DET1: variants seen among roughly 807,000 people sequenced by gnomAD.
The protein encoded by DET1 is DET1 homolog.
In DET1, 22 loss-of-function variants were observed where a neutral mutation model predicts 43.7. The observed-to-expected ratio is 0.50, with a 90% CI of 0.36 to 0.72. DET1 has a LOEUF of 0.72. DET1 is among the 30% of genes least tolerant of loss of function. The pLI is 0.00. For synonymous variants in DET1, 315 were observed against 266.2 expected (o/e 1.18, Z -1.79); for missense variants, 713 against 713.3 (o/e 1.00, Z 0.00).
chr15:88,525,084 A>C (rs1200978363), intron 3 of DET1, among the ~76,000 whole-genome samples: 6 of 152,258 alleles, frequency 3.9e-5, no homozygotes, highest in Non-Finnish European at 8.8e-5. Context: ...TTTGAGAATC[A>C]GAAGAAACAA....
At chr15:88,533,510 A>T (rs1199023458) in intron 1 of DET1, among the ~76,000 whole-genome samples, 1 of 152,208 alleles carries the variant, frequency 6.6e-6, no homozygotes, top group Non-Finnish European at 1.5e-5. Flanking sequence ...TATTCATAGT[A>T]GTCAAGAGAT....
rs544339890 is a variant in DET1, at chr15:88,523,688, G to A, written c.1271+3911C>T. The stretch of plus-strand genomic sequence containing the variant: ...GCTCCTGACCGCGAGTGATCTGCCC[G>A]CCTCGGCCTCCCGAGGTGCTGGGAT... On this transcript the variant is annotated intron_variant, in intron 3 of 4. Coordinates refer to ENST00000268148, the MANE Select transcript of DET1 (RefSeq NM_001144074.3). 3.4e-3 allele frequency among the ~76,000 whole-genome samples: 524 copies of A among 152,314 alleles called. 2 individuals carry two copies. The highest frequency in any genetic ancestry group is 8.3e-3 in the African/African-American group (345 of 41,572).
chr15:88,521,125 T>C (rs1026304397), intron 3 of DET1, among the ~76,000 whole-genome samples: 1 of 152,210 alleles, frequency 6.6e-6, no homozygotes, highest in Non-Finnish European at 1.5e-5. Flanking sequence ...TATTTCCAAG[T>C]ACTCTGCCCC....
chr15:88,537,048 T>C (rs1299095372), intron 1 of DET1, among the ~76,000 whole-genome samples: 2 of 152,120 alleles, frequency 1.3e-5, no homozygotes, highest in African/African-American at 4.8e-5. Flanking sequence ...CTTATATAAG[T>C]ATATATAATA....
At chr15:88,541,634 T>G (rs2057108614) in intron 1 of DET1, among the ~76,000 whole-genome samples, 1 of 152,166 alleles carries the variant, frequency 6.6e-6, no homozygotes. Context: ...GATCATTGAA[T>G]CCTACAATTG....
intron 2 of DET1, among the ~76,000 whole-genome samples, chr15:88,528,021 T>A (rs952874715): frequency 2.0e-5 from 3 of 152,220 alleles, no homozygotes; most frequent in Non-Finnish European, 2.9e-5. Flanking sequence ...AGAGCCTCAA[T>A]GTTGCCAGAT....
At chr15:88,524,920 C>G (rs1037596304) in intron 3 of DET1, among the ~76,000 whole-genome samples, 1 of 151,962 alleles carries the variant, frequency 6.6e-6, no homozygotes, top group East Asian at 1.9e-4. Context: ...ATCCCCCTCT[C>G]CAAGAAACAC....
chr15:88,514,796 G>C (rs2056295779), intron 4 of DET1, among the ~76,000 whole-genome samples: 1 of 152,164 alleles, frequency 6.6e-6, no homozygotes, highest in African/African-American at 2.4e-5. Context: ...TTCAAATGCT[G>C]TTAATATCCT....
At position 88,524,133 on chromosome 15, in the gene DET1, G is replaced by A. The variant is rs1459739877; in HGVS notation, c.1271+3466C>T. 4.8e-5 allele frequency among the ~76,000 whole-genome samples: 7 copies of A among 147,316 alleles called. No individual in the cohort carries two copies. In the East Asian group the frequency reaches 6.3e-4, roughly 13 times the overall value. The stretch of plus-strand genomic sequence containing the variant: ...AGGAGTGCCTCTGCCCGGCCGCCCC[G>A]TCGGGGATGTAAGGAGCGCCTCTGT... On this transcript the variant is annotated intron_variant, in intron 3 of 4. Transcript: ENST00000268148.
intron 4 of DET1, among the ~76,000 whole-genome samples, chr15:88,515,338 G>A (rs978709786): frequency 2.6e-5 from 4 of 151,816 alleles, no homozygotes; most frequent in African/African-American, 4.8e-5. Flanking sequence ...TCAAGATTTC[G>A]AGGCCAGCCT....
chr15:88,513,373 T>C (rs933653147), intron 4 of DET1, among the ~76,000 whole-genome samples: 1 of 152,194 alleles, frequency 6.6e-6, no homozygotes, highest in African/African-American at 2.4e-5. Context: ...CACTGGTCAT[T>C]TCTCTTTCCT....
rs968594881 is a variant in DET1 at position 88,521,790 on chromosome 15, T to C, written c.1272-4817A>G. Among the ~76,000 whole-genome samples, 7 of 152,106 alleles carry C rather than the reference T, an allele frequency of 4.6e-5. No homozygotes were observed. In the South Asian group the frequency reaches 1.2e-3, roughly 27 times the overall value. Reference sequence around the variant, plus strand: ...TGACTTATTGTTTTTACATGTGAAATGTATGTTCTTTCTCAAAGTTTTCAC... The same window carrying C: ...TGACTTATTGTTTTTACATGTGAAACGTATGTTCTTTCTCAAAGTTTTCAC... On this transcript the variant is annotated intron_variant, in intron 3 of 4. Coordinates refer to ENST00000268148, the MANE Select transcript of DET1 (RefSeq NM_001144074.3).
In DET1 at chr15:88,516,666, C is replaced by A. The variant is rs1380340321; in HGVS notation, c.1463+116G>T. The A allele has an allele frequency of 8.7e-6, 8 of 914,520 alleles. No individual in the cohort carries two copies. In the East Asian group the frequency reaches 9.4e-5, roughly 11 times the overall value. The allele number at this position is 914,520 out of a possible 1,614,324, so 56.7% of individuals were successfully genotyped here. A position where few individuals can be genotyped will look rare whatever the true frequency, so the allele number is the denominator to read the frequency against. ...TTATAGAAATAGCCTGCCTTTTCAA[C>A]CTTACCCATGAGTACGAGTCACAGT... On this transcript the variant is annotated intron_variant, in intron 4 of 4. Transcript: ENST00000268148. This position sits in a 1 kb window ranked among gnomAD's most constrained non-coding sequence, Gnocchi z 4.4.
intron 7 of DET1, among the ~76,000 whole-genome samples, chr15:88,507,055 G>A (rs1442493204): frequency 6.6e-6 from 1 of 152,122 alleles, no homozygotes; most frequent in African/African-American, 2.4e-5. Context: ...AAAAACAAAG[G>A]CATTGATAAC....
chr15:88,529,486 C>G (rs2056755830), intron 2 of DET1, among the ~76,000 whole-genome samples: 1 of 152,106 alleles, frequency 6.6e-6, no homozygotes, highest in Admixed American at 6.5e-5. Context: ...AAAAAAAATC[C>G]ACAACAAATG....
At chr15:88,545,235 A>G (rs1407112133) in intron 1 of DET1, among the ~76,000 whole-genome samples, 1 of 152,174 alleles carries the variant, frequency 6.6e-6, no homozygotes, top group Non-Finnish European at 1.5e-5. Context: ...AACATTTTAT[A>G]TTCCAGGATT....
intron 2 of DET1, 120 bp downstream of exon 2, chr15:88,530,503 G>A (rs2056781200): frequency 2.7e-6 from 4 of 1,465,426 alleles, no homozygotes; most frequent in African/African-American, 1.4e-5. Flanking sequence ...TGGGCCCTAG[G>A]ATATCAATTC....
chr15:88,540,831 G>C (rs1466854058), intron 1 of DET1, among the ~76,000 whole-genome samples: 1 of 133,794 alleles, frequency 7.5e-6, no homozygotes, highest in East Asian at 2.1e-4. Context: ...AAGTACCCAG[G>C]GACACAAAAA....
intron 2 of DET1, 137 bp downstream of exon 2, chr15:88,530,486 T>A: frequency 7.1e-7 from 1 of 1,412,520 alleles, no homozygotes; most frequent in Non-Finnish European, 9.3e-7. Flanking sequence ...GGAGCTGATT[T>A]TAAGTTTGGG....
Sources: allele counts gnomAD v4.1 joint callset (sites outside exome capture counted in the v4.1 genomes callset), GRCh38; gene constraint gnomAD v4.1.1; non-coding constraint Gnocchi (gnomAD v3.1); transcripts MANE v1.5; gene names NCBI Gene and HGNC (gene_info 2026-07-23, HGNC 2026-07-21).